PCDHGA4: variants seen among roughly 807,000 people sequenced by gnomAD.
PCDHGA4 encodes the protein protocadherin gamma-A4.
Under a neutral mutation model 54.6 loss-of-function variants are expected in PCDHGA4, and 38 were observed. The observed-to-expected ratio is 0.70, with a 90% CI of 0.54 to 0.91. The LOEUF is 0.91. Ranked by LOEUF, PCDHGA4 falls within the 40% of genes least tolerant of loss-of-function variation. PCDHGA4 has a pLI of 0.00. For synonymous variants in PCDHGA4, 511 were observed against 512.9 expected, an observed-to-expected ratio of 1.00 and a Z score of 0.05; for missense variants, 1,298 against 1,220.9, an observed-to-expected ratio of 1.06 and a Z score of -0.94.
At chr5:141,374,810 A>G in intron 1 of PCDHGA4, 1 of 1,613,952 alleles carries the variant, frequency 6.2e-7, no homozygotes, top group Non-Finnish European at 8.5e-7. Context: ...TCCAATGTTT[A>G]CTCAGCCTGT....
chr5:141,490,476 G>A lies in PCDHGA4; in HGVS notation c.2515-4331G>A. 1 of 1,614,208 alleles carries A rather than the reference G, an allele frequency of 6.2e-7. No homozygotes were observed. The highest frequency in any genetic ancestry group is 8.5e-7 in the Non-Finnish European group (1 of 1,180,046). On this transcript the variant is annotated intron_variant, in intron 1 of 3. Transcript: ENST00000571252. The surrounding 1 kb of genome is among the most constrained non-coding windows in gnomAD (Gnocchi z 5.4). ...ACTCGCTGCTAACCAGCCAGCCTTT[G>A]GACCGGGAGGCCACATCCCACTATA...
At chr5:141,448,263 A>G (rs2098578874) in intron 1 of PCDHGA4, among the ~76,000 whole-genome samples, 1 of 152,088 alleles carries the variant, frequency 6.6e-6, no homozygotes, top group Non-Finnish European at 1.5e-5. Flanking sequence ...ATTTTACAGT[A>G]TATATACTGT....
At chr5:141,394,739 C>T (rs377359689) in intron 1 of PCDHGA4, 4 of 1,613,390 alleles carry the variant, frequency 2.5e-6, no homozygotes, top group Non-Finnish European at 3.4e-6. Flanking sequence ...AGCAGAGCCT[C>T]GTGGTGGCCG....
intron 1 of PCDHGA4, among the ~76,000 whole-genome samples, chr5:141,434,467 T>C (rs1397980716): frequency 6.6e-6 from 1 of 152,226 alleles, no homozygotes; most frequent in Non-Finnish European, 1.5e-5. Flanking sequence ...TTTACCGGAA[T>C]GAGGGCAAGG....
In PCDHGA4 at chr5:141,489,091, T is replaced by TCAG. The variant is rs2099682519; in HGVS notation, c.2515-5716_2515-5715insCAG. On this transcript the variant is annotated intron_variant, in intron 1 of 3. Transcript: ENST00000571252. This position sits in a 1 kb window ranked among gnomAD's most constrained non-coding sequence, Gnocchi z 4.5. ...CTGCCCACCCCCGCCACTCGGTGACTAAGAACTGCTGCAAGCAGGCAAACC... is the reference window on the plus strand; with the variant it reads ...CTGCCCACCCCCGCCACTCGGTGACTCAGAAGAACTGCTGCAAGCAGGCAAACC... The TCAG allele has an allele frequency of 3.0e-6, 1 of 333,056 alleles. No individual in the cohort carries two copies. Among genetic ancestry groups the TCAG allele is most frequent in the Non-Finnish European group, 5.5e-6 (1 of 181,380 alleles). 20.6% of individuals were successfully genotyped at this position (333,056 alleles called of 1,614,324 possible). A position where few individuals can be genotyped will look rare whatever the true frequency, so the allele number is the denominator to read the frequency against.
intron 1 of PCDHGA4, among the ~76,000 whole-genome samples, chr5:141,425,919 G>C (rs11167745): frequency 0.3 from 45,848 of 152,124 alleles, 8,179 homozygotes; most frequent in African/African-American, 0.5. Context: ...CAGTCACTAC[G>C]AAAACTCATA....
At chr5:141,403,784 G>T in intron 1 of PCDHGA4, 1 of 1,613,906 alleles carries the variant, frequency 6.2e-7, no homozygotes, top group Non-Finnish European at 8.5e-7. Context: ...CGGAAAAGTG[G>T]CATACAAATT....
rs755899945 is a variant in PCDHGA4, at chr5:141,361,809, T to A, written c.2514+4188T>A. Reference sequence around the variant, plus strand: ...TGTTAGTGGGCGACCTCAATGACAATGCGCCACGGGTGCTGTACCCCGCGC... The same window carrying A: ...TGTTAGTGGGCGACCTCAATGACAAAGCGCCACGGGTGCTGTACCCCGCGC... On this transcript the variant is annotated intron_variant, in intron 1 of 3. Coordinates refer to ENST00000571252, the MANE Select transcript of PCDHGA4 (RefSeq NM_018917.4). 10 of 1,612,970 alleles carry A rather than the reference T, an allele frequency of 6.2e-6. No homozygotes were observed. In the South Asian group the frequency reaches 9.9e-5, roughly 16 times the overall value.
In PCDHGA4 at chr5:141,431,775, A is replaced by T; in HGVS notation, c.2515-63032A>T. 6.2e-7 allele frequency: 1 copy of T among 1,614,204 alleles called. No homozygotes were observed. Among genetic ancestry groups the T allele is most frequent in the Non-Finnish European group, 8.5e-7 (1 of 1,180,024 alleles). ...GCCAAAGTCCTGATCACTGTTCTGG[A>T]CGTGAACGACAATGCCCCAGAAGTG... On this transcript the variant is annotated intron_variant, in intron 1 of 3. Transcript: ENST00000571252. This position sits in a 1 kb window ranked among gnomAD's most constrained non-coding sequence, Gnocchi z 4.8.
At chr5:141,419,432 C>T (rs2096381830) in intron 1 of PCDHGA4, 1 of 1,613,278 alleles carries the variant, frequency 6.2e-7, no homozygotes, top group East Asian at 2.2e-5. Flanking sequence ...CCACGAGCAG[C>T]TGCGCACCTT....
chr5:141,476,483 G>A lies in PCDHGA4; in HGVS notation c.2515-18324G>A. On this transcript the variant is annotated intron_variant, in intron 1 of 3. Coordinates refer to ENST00000571252, the MANE Select transcript of PCDHGA4 (RefSeq NM_018917.4). The surrounding 1 kb of genome is among the most constrained non-coding windows in gnomAD (Gnocchi z 7.6). The stretch of plus-strand genomic sequence containing the variant: ...CCCGCTGGAGCTGTTCAGCGTGGAA[G>A]TGGTGATCCAGGACATCAACGACAA... The A allele has an allele frequency of 3.1e-6, 5 of 1,614,166 alleles. No individual in the cohort carries two copies. Among genetic ancestry groups the A allele is most frequent in the Non-Finnish European group, 4.2e-6 (5 of 1,180,034 alleles).
intron 1 of PCDHGA4, chr5:141,393,407 CG>C: frequency 5.0e-6 from 8 of 1,614,056 alleles, no homozygotes; most frequent in Non-Finnish European, 6.8e-6. Context: ...TGCTGGAGCG[CG>C]CCCTGGACAG....
intron 1 of PCDHGA4, chr5:141,370,669 G>C (rs370792537): frequency 6.2e-7 from 1 of 1,613,908 alleles, no homozygotes; most frequent in Admixed American, 1.7e-5. Context: ...CGTATAGACC[G>C]AGAGGAGATT....
Position 141,438,902 on chromosome 5 carries a change from G to A in PCDHGA4, c.2515-55905G>A, listed in dbSNP as rs185216039. 2.0e-5 allele frequency among the ~76,000 whole-genome samples: 3 copies of A among 151,906 alleles called. No homozygotes were observed. The East Asian group carries it at 5.8e-4, about 29-fold the overall frequency. On this transcript the variant is annotated intron_variant, in intron 1 of 3. Coordinates refer to ENST00000571252, the MANE Select transcript of PCDHGA4 (RefSeq NM_018917.4). ...GCTGCTCTTGAACTCCTGACCTCAGGTGATCCACCTGCCTTGGCCTCCCAA... is the reference window on the plus strand; with the variant it reads ...GCTGCTCTTGAACTCCTGACCTCAGATGATCCACCTGCCTTGGCCTCCCAA...
chr5:141,466,494 G>C (rs1186331329), intron 1 of PCDHGA4, among the ~76,000 whole-genome samples: 4 of 152,134 alleles, frequency 2.6e-5, no homozygotes. Context: ...TCTTTAATTA[G>C]AGCACAGACA....
At chr5:141,483,648 T>TTGTGTGTGTG (rs111458813) in intron 1 of PCDHGA4, among the ~76,000 whole-genome samples, 23 of 149,708 alleles carry the variant, frequency 1.5e-4, no homozygotes, top group African/African-American at 3.9e-4. Context: ...GGGTGTGTGT[T>TTGTGTGTGTG]TGTGTGTGTG....
intron 2 of PCDHGA4, among the ~76,000 whole-genome samples, chr5:141,503,340 T>A (rs1394172617): frequency 6.6e-6 from 1 of 152,064 alleles, no homozygotes; most frequent in African/African-American, 2.4e-5. Flanking sequence ...CTCACGCCTG[T>A]AATTCCAGCA....
chr5:141,492,078 C>T (rs948391194), intron 1 of PCDHGA4: 4 of 483,290 alleles, frequency 8.3e-6, no homozygotes, highest in African/African-American at 2.0e-5. Flanking sequence ...GCGCCGGCTC[C>T]GGCACGCTTC....
chr5:141,398,374 G>C (rs769693333), intron 1 of PCDHGA4: 3 of 1,438,680 alleles, frequency 2.1e-6, no homozygotes, highest in African/African-American at 1.4e-5. Flanking sequence ...AGAGAGCGGG[G>C]AGTTGCTTGT....
Sources: gnomAD v4.1 joint callset for allele counts (sites outside exome capture counted in the v4.1 genomes callset) on GRCh38, gnomAD v4.1.1 for gene constraint, Gnocchi (gnomAD v3.1) non-coding constraint, MANE v1.5 for transcripts, NCBI Gene and HGNC (gene_info 2026-07-23, HGNC 2026-07-21) for gene names.